CNTN4: variants seen among roughly 807,000 people sequenced by gnomAD.
The protein encoded by CNTN4 is contactin 4, also known as contactin-4.
Under a neutral mutation model 122.5 loss-of-function variants are expected in CNTN4, and 77 were observed. The ratio of observed to expected loss-of-function variants is 0.63; its 90% confidence interval spans 0.52 to 0.76. CNTN4 has a LOEUF of 0.76. Among genes scored for constraint, CNTN4 ranks in the 30% least tolerant of loss-of-function variants. The pLI is 0.00. For synonymous variants in CNTN4, 512 were observed against 447.0 expected, an observed-to-expected ratio of 1.15 and a Z score of -1.83; for missense variants, 1,256 against 1,259.1, an observed-to-expected ratio of 1.00 and a Z score of 0.04.
At chr3:2,390,783 C>A (rs1383069175) in intron 3 of CNTN4, among the ~76,000 whole-genome samples, 3 of 152,080 alleles carry the variant, frequency 2.0e-5, no homozygotes, top group Non-Finnish European at 2.9e-5. Context: ...CTTCATCAAG[C>A]CACTTTAATT....
At chr3:3,049,672 T>C (rs753213963) in intron 23 of CNTN4, among the ~76,000 whole-genome samples, 3 of 152,158 alleles carry the variant, frequency 2.0e-5, no homozygotes, top group African/African-American at 7.2e-5. Context: ...AGAGATGTAT[T>C]ATTTTATAGA....
At chr3:2,635,077 A>G (rs950991838) in intron 4 of CNTN4, among the ~76,000 whole-genome samples, 1 of 152,138 alleles carries the variant, frequency 6.6e-6, no homozygotes, top group Non-Finnish European at 1.5e-5. Flanking sequence ...GTAAGTTTTC[A>G]TCGAATTTTT....
intron 2 of CNTN4, among the ~76,000 whole-genome samples, chr3:2,215,239 A>G (rs984833565): frequency 2.6e-5 from 4 of 152,226 alleles, no homozygotes; most frequent in Admixed American, 2.0e-4. Context: ...TATTTAAATG[A>G]CATGCTATAA....
chr3:2,348,670 T>C (rs1224652633), intron 3 of CNTN4, among the ~76,000 whole-genome samples: 2 of 152,228 alleles, frequency 1.3e-5, no homozygotes, highest in Non-Finnish European at 2.9e-5. Flanking sequence ...TTGATCTATA[T>C]TAGCTGGGTT....
chr3:2,288,797 AGGAAAATGTTGGCT>A (rs1159799343), intron 2 of CNTN4, among the ~76,000 whole-genome samples: 1 of 152,200 alleles, frequency 6.6e-6, no homozygotes, highest in Non-Finnish European at 1.5e-5. Flanking sequence ...TTTTGTTGGT[AGGAAAATGTTGGCT>A]GGAAAATGTT....
rs1169495754 is a variant in CNTN4 at position 2,125,907 on chromosome 3, G to GTGTGTA, written c.-145+25273_-145+25274insATGTGT. On this transcript the variant is annotated intron_variant, in intron 2 of 24. Transcript: ENST00000418658. Reference sequence around the variant, plus strand: ...GTTTTTATTTCTGGTGTGTGTGTGTGTGTGTGTGTGTGTGTGTGTGTATGT... The same window carrying GTGTGTA: ...GTTTTTATTTCTGGTGTGTGTGTGTGTGTGTATGTGTGTGTGTGTGTGTGTGTATGT... Among the ~76,000 whole-genome samples the GTGTGTA allele has an allele frequency of 2.0e-5, 3 of 151,152 alleles. No individual in the cohort carries two copies. The East Asian group carries it at 5.9e-4, about 30-fold the overall frequency.
intron 2 of CNTN4, among the ~76,000 whole-genome samples, chr3:2,182,573 CAAAT>C (rs2037065677): frequency 6.6e-6 from 1 of 151,938 alleles, no homozygotes; most frequent in Non-Finnish European, 1.5e-5. Flanking sequence ...GGTAACCAGT[CAAAT>C]AAAAGTGTTG....
intron 2 of CNTN4, among the ~76,000 whole-genome samples, chr3:2,249,662 G>C (rs2040299289): frequency 1.3e-5 from 2 of 151,744 alleles, no homozygotes; most frequent in African/African-American, 4.8e-5. Flanking sequence ...AATGGGTCTT[G>C]GTAAAACATG....
chr3:2,197,792 G>C (rs927830138), intron 2 of CNTN4, among the ~76,000 whole-genome samples: 1 of 152,104 alleles, frequency 6.6e-6, no homozygotes, highest in Non-Finnish European at 1.5e-5. Context: ...GAGGCAGTTG[G>C]ATCACTTGAG....
chr3:2,704,072 G>A (rs940156531), intron 4 of CNTN4, among the ~76,000 whole-genome samples: 18 of 151,656 alleles, frequency 1.2e-4, no homozygotes, highest in African/African-American at 1.7e-4. Context: ...GCAGGCGGGC[G>A]GATCATTTGA....
chr3:2,306,832 A>G lies in CNTN4; in HGVS notation c.-144-32346A>G, dbSNP rs571089700. Among the ~76,000 whole-genome samples the G allele has an allele frequency of 5.5e-4, 84 of 152,206 alleles. 1 individual carries two copies. The South Asian group carries it at 0.017, about 31-fold the overall frequency. On this transcript the variant is annotated intron_variant, in intron 2 of 24. Coordinates refer to ENST00000418658, the MANE Select transcript of CNTN4 (RefSeq NM_175607.3). ...CTAGTTTTCAGTGTACACATCTTTA[A>G]TATACTGATTTTATTAAATTTGTTC...
At chr3:2,374,792 T>G (rs1361613305) in intron 3 of CNTN4, among the ~76,000 whole-genome samples, 1 of 152,208 alleles carries the variant, frequency 6.6e-6, no homozygotes, top group Non-Finnish European at 1.5e-5. Flanking sequence ...CATGAATGTT[T>G]AAATTTTCAT....
chr3:2,108,520 C>A (rs1243286514), intron 2 of CNTN4, among the ~76,000 whole-genome samples: 2 of 152,132 alleles, frequency 1.3e-5, no homozygotes, highest in Non-Finnish European at 2.9e-5. Flanking sequence ...TAATAGCTCT[C>A]ATTTAACATG....
intron 2 of CNTN4, among the ~76,000 whole-genome samples, chr3:2,117,786 A>T (rs1274706070): frequency 1.3e-5 from 2 of 152,196 alleles, no homozygotes; most frequent in African/African-American, 4.8e-5. Context: ...TTAGACACGC[A>T]GGGTTTAGGA....
rs543026992 is a variant in CNTN4, at chr3:2,694,104, G to C, written c.56-42111G>C. On this transcript the variant is annotated intron_variant, in intron 4 of 24. Transcript: ENST00000418658. Reference sequence around the variant, plus strand: ...CTAGGATGCCTTTGCCCAAGTCTTTGCCTGTTTCTGGAATCCTCTCTCTTT... The same window carrying C: ...CTAGGATGCCTTTGCCCAAGTCTTTCCCTGTTTCTGGAATCCTCTCTCTTT... 3.3e-5 allele frequency among the ~76,000 whole-genome samples: 5 copies of C among 152,160 alleles called. No individual in the cohort carries two copies. In the East Asian group the frequency reaches 9.7e-4, roughly 29 times the overall value.
chr3:2,433,853 C>T (rs1409998688), intron 3 of CNTN4, among the ~76,000 whole-genome samples: 1 of 152,066 alleles, frequency 6.6e-6, no homozygotes, highest in East Asian at 1.9e-4. Context: ...TTGCCAGTTG[C>T]CACAACATGG....
intron 13 of CNTN4, among the ~76,000 whole-genome samples, chr3:2,987,836 G>A (rs770340056): frequency 3.3e-5 from 5 of 152,104 alleles, no homozygotes; most frequent in Non-Finnish European, 7.4e-5. Context: ...TTTAAGTTCA[G>A]TTTTTACATC....
intron 6 of CNTN4, among the ~76,000 whole-genome samples, chr3:2,760,679 T>A (rs1165614264): frequency 6.6e-6 from 1 of 152,238 alleles, no homozygotes; most frequent in Non-Finnish European, 1.5e-5. Context: ...AGCTATGGAC[T>A]CTATCCTACA....
At chr3:2,205,413 T>C (rs1473513197) in intron 2 of CNTN4, among the ~76,000 whole-genome samples, 3 of 151,652 alleles carry the variant, frequency 2.0e-5, no homozygotes, top group Non-Finnish European at 2.9e-5. Context: ...AAACCTAATT[T>C]TATACTTCTT....
Sources: allele counts gnomAD v4.1 joint callset (sites outside exome capture counted in the v4.1 genomes callset), GRCh38; gene constraint gnomAD v4.1.1; transcripts MANE v1.5; gene names NCBI Gene and HGNC (gene_info 2026-07-23, HGNC 2026-07-21).